The following EPB41L4A variants were observed in gnomAD, a reference collection of about 807,000 sequenced individuals.
EPB41L4A encodes the protein band 4.1-like protein 4A.
A neutral mutation model predicts 108.6 loss-of-function variants in EPB41L4A; 100 were observed. The observed-to-expected ratio is 0.92, with a 90% confidence interval of 0.78 to 1.09. The LOEUF is 1.09. Among genes scored for constraint, EPB41L4A ranks in the 50% least tolerant of loss-of-function variants. EPB41L4A has a pLI of 0.00. For synonymous variants in EPB41L4A, 319 were observed against 289.0 expected, an observed-to-expected ratio of 1.10 and a Z score of -1.05; for missense variants, 1,030 against 842.7, an observed-to-expected ratio of 1.22 and a Z score of -2.75.
intron 22 of EPB41L4A, among the ~76,000 whole-genome samples, chr5:112,166,722 TTA>T (rs1222436005): frequency 6.6e-6 from 1 of 152,244 alleles, no homozygotes; most frequent in Non-Finnish European, 1.5e-5. Flanking sequence ...TCAAACTTTT[TTA>T]TAAAGAGCCA....
chr5:112,369,779 C>T (rs976923874), intron 1 of EPB41L4A, among the ~76,000 whole-genome samples: 55 of 152,152 alleles, frequency 3.6e-4, no homozygotes, highest in African/African-American at 1.3e-3. Flanking sequence ...GACAGCTGAA[C>T]ACAGTCCCCT....
intron 1 of EPB41L4A, among the ~76,000 whole-genome samples, chr5:112,322,649 T>C (rs1023231699): frequency 8.6e-5 from 13 of 151,626 alleles, no homozygotes; most frequent in African/African-American, 2.9e-4. Context: ...CTCCTCCCCA[T>C]ACCTCAGCTG....
Position 112,179,259 on chromosome 5 carries a change from C to G in EPB41L4A, c.1622+4757G>C, listed in dbSNP as rs114973164. On this transcript the variant is annotated intron_variant, in intron 18 of 22. Transcript: ENST00000261486. ...GCAGAGATTGTTTCACTGGTGAATT[C>G]TATATTTAAGGAAGAAAAAAATGCT... Among the ~76,000 whole-genome samples, 9 of 151,980 alleles carry G rather than the reference C, an allele frequency of 5.9e-5. No homozygotes were observed. The South Asian group carries it at 1.7e-3, about 28-fold the overall frequency.
At chr5:112,286,571 T>A (rs911276239) in intron 2 of EPB41L4A, among the ~76,000 whole-genome samples, 2 of 152,196 alleles carry the variant, frequency 1.3e-5, no homozygotes, top group African/African-American at 2.4e-5. Context: ...TGCGTATGCA[T>A]CCTGGCCCCG....
chr5:112,274,175 G>A (rs984151015), intron 4 of EPB41L4A, among the ~76,000 whole-genome samples: 6 of 151,956 alleles, frequency 3.9e-5, no homozygotes, highest in South Asian at 2.1e-4. Context: ...AGCTACTCCT[G>A]AGGCTGAGGC....
intron 12 of EPB41L4A, among the ~76,000 whole-genome samples, chr5:112,225,400 T>C (rs1748382040): frequency 5.9e-5 from 9 of 152,348 alleles, no homozygotes; most frequent in Admixed American, 5.2e-4. Flanking sequence ...TATATTGCTC[T>C]TTCTCTGTAA....
chr5:112,151,125 A>G (rs1022941242), intron 12 of EPB41L4A, among the ~76,000 whole-genome samples: 21 of 152,198 alleles, frequency 1.4e-4, no homozygotes, highest in African/African-American at 3.4e-4. Context: ...TCTAAAGTAT[A>G]TACTTCATTA....
chr5:112,391,486 G>A (rs1035543101), intron 1 of EPB41L4A, among the ~76,000 whole-genome samples: 1 of 152,014 alleles, frequency 6.6e-6, no homozygotes, highest in Non-Finnish European at 1.5e-5. Flanking sequence ...TATCAATGAT[G>A]GAAGATCAAA....
At chr5:112,211,420 A>G (rs1762737002) in intron 12 of EPB41L4A, among the ~76,000 whole-genome samples, 1 of 152,150 alleles carries the variant, frequency 6.6e-6, no homozygotes, top group Non-Finnish European at 1.5e-5. Flanking sequence ...CATCTCTACT[A>G]AAAATATAAA....
chr5:112,155,987 T>C (rs1436207974), intron 12 of EPB41L4A, among the ~76,000 whole-genome samples: 1 of 152,100 alleles, frequency 6.6e-6, no homozygotes, highest in Non-Finnish European at 1.5e-5. Flanking sequence ...AACTATAGTC[T>C]CATCCATAAA....
At chr5:112,341,603 G>A (rs572809287) in intron 1 of EPB41L4A, among the ~76,000 whole-genome samples, 1 of 152,178 alleles carries the variant, frequency 6.6e-6, no homozygotes, top group African/African-American at 2.4e-5. Context: ...AATCCCAAAA[G>A]AAAGTAATTT....
chr5:112,301,337 G>T (rs1754346958), intron 2 of EPB41L4A, among the ~76,000 whole-genome samples: 1 of 152,032 alleles, frequency 6.6e-6, no homozygotes, highest in South Asian at 2.1e-4. Context: ...TGTCCCATGG[G>T]GTGTTCCCGT....
At chr5:112,367,972 G>A (rs1399456423) in intron 1 of EPB41L4A, among the ~76,000 whole-genome samples, 2 of 152,128 alleles carry the variant, frequency 1.3e-5, no homozygotes, top group African/African-American at 4.8e-5. Flanking sequence ...GGAAGATGAA[G>A]CAAATGATTT....
chr5:112,280,296 C>T lies in EPB41L4A; in HGVS notation c.232G>A (p.Ala78Thr). Residue 78 changes from alanine (A) to threonine (T), a missense_variant, in exon 3 of 23, where the codon GCT becomes ACT. Physicochemically the swap from Ala to Thr is moderately conservative, Grantham distance 58 (BLOSUM62 0). Transcript: ENST00000261486. ...CTGTTGATCAGTTCTTTGTGTTCAG[C>T]AAGGGTTTTTGCAGGATCCAGCCAA... ...TYWLDPAKTL[A>T]EHKELINTGP... 1 of 1,614,024 alleles carries T rather than the reference C, an allele frequency of 6.2e-7. No individual in the cohort carries two copies. The highest frequency in any genetic ancestry group is 8.5e-7 in the Non-Finnish European group (1 of 1,179,966).
chr5:112,292,887 T>C (rs1390574070), intron 2 of EPB41L4A, among the ~76,000 whole-genome samples: 1 of 152,196 alleles, frequency 6.6e-6, no homozygotes, highest in Non-Finnish European at 1.5e-5. Flanking sequence ...CTGTCTGAAA[T>C]TCCTTCCTTT....
At chr5:112,402,122 G>A (rs1414357120) in intron 1 of EPB41L4A, among the ~76,000 whole-genome samples, 1 of 152,180 alleles carries the variant, frequency 6.6e-6, no homozygotes, top group East Asian at 1.9e-4. Flanking sequence ...GGAGGTAATT[G>A]GATCTTGGCG....
intron 13 of EPB41L4A, among the ~76,000 whole-genome samples, chr5:112,208,034 T>G (rs899238383): frequency 6.6e-5 from 10 of 151,814 alleles, no homozygotes; most frequent in African/African-American, 2.2e-4. Flanking sequence ...GATCCCGAGG[T>G]CAAGAGATGC....
downstream of EPB41L4A, chr5:112,142,307 A>G (rs982946227): frequency 6.6e-6 from 1 of 152,184 alleles, no homozygotes; most frequent in African/African-American, 2.4e-5. Context: ...TTCATTCACC[A>G]TCTTCTGGCT....
intron 1 of EPB41L4A, among the ~76,000 whole-genome samples, chr5:112,362,682 T>C (rs940939752): frequency 6.6e-6 from 1 of 152,228 alleles, no homozygotes; most frequent in Non-Finnish European, 1.5e-5. Context: ...AATTAAACCT[T>C]GAGGAACAAC....
Sources: gnomAD v4.1 joint callset for allele counts (sites outside exome capture counted in the v4.1 genomes callset) on GRCh38, gnomAD v4.1.1 for gene constraint, MANE v1.5 for transcripts, NCBI Gene and HGNC (gene_info 2026-07-23, HGNC 2026-07-21) for gene names.